PTPRD: variants seen among roughly 807,000 people sequenced by gnomAD.
PTPRD encodes protein tyrosine phosphatase receptor type D.
In PTPRD, 34 loss-of-function variants were observed where a neutral mutation model predicts 214.5. That is an observed-to-expected ratio of 0.16 (90% CI 0.12 to 0.21). The LOEUF is 0.21. Among genes scored for constraint, PTPRD ranks in the 10% least tolerant of loss-of-function variants. The pLI is 1.00. For synonymous variants in PTPRD, 1,128 were observed against 845.7 expected, an observed-to-expected ratio of 1.33 and a Z score of -5.79; for missense variants, 2,545 against 2,398.7, an observed-to-expected ratio of 1.06 and a Z score of -1.27.
At chr9:9,030,397 G>C (rs560570928) in intron 10 of PTPRD, among the ~76,000 whole-genome samples, 2 of 143,146 alleles carry the variant, frequency 1.4e-5, no homozygotes, top group African/African-American at 2.6e-5. Flanking sequence ...ATTGTTTACT[G>C]TAGCATTTAA....
At chr9:9,781,450 C>T (rs922188707) in intron 5 of PTPRD, among the ~76,000 whole-genome samples, 1 of 152,130 alleles carries the variant, frequency 6.6e-6, no homozygotes, top group Non-Finnish European at 1.5e-5. Context: ...ACAACGGTGA[C>T]ATTGGAAGAA....
At chr9:10,222,448 T>C (rs1470856222) in intron 3 of PTPRD, among the ~76,000 whole-genome samples, 2 of 152,128 alleles carry the variant, frequency 1.3e-5, no homozygotes, top group African/African-American at 4.8e-5. Flanking sequence ...TAGCATCCTA[T>C]GTCTTTATTG....
intron 5 of PTPRD, among the ~76,000 whole-genome samples, chr9:9,850,144 A>C (rs1323242713): frequency 6.6e-6 from 1 of 152,164 alleles, no homozygotes; most frequent in East Asian, 1.9e-4. Flanking sequence ...CCAAAAAGTT[A>C]CCACTGAAAG....
chr9:10,363,632 A>G (rs181268608), intron 2 of PTPRD, among the ~76,000 whole-genome samples: 1 of 152,234 alleles, frequency 6.6e-6, no homozygotes, highest in Non-Finnish European at 1.5e-5. Flanking sequence ...AAAAGGCAAG[A>G]TATCTTACAG....
At chr9:10,309,011 C>T (rs2096182168) in intron 3 of PTPRD, among the ~76,000 whole-genome samples, 1 of 151,950 alleles carries the variant, frequency 6.6e-6, no homozygotes, top group Non-Finnish European at 1.5e-5. Context: ...AAGATATATA[C>T]TTTATTTTGA....
chr9:8,548,646 G>A (rs1440328728), intron 14 of PTPRD, among the ~76,000 whole-genome samples: 2 of 148,294 alleles, frequency 1.3e-5, no homozygotes, highest in Non-Finnish European at 1.5e-5. Context: ...GGGATTAGAG[G>A]TGTAAGCCAT....
At position 10,599,373 on chromosome 9, in the gene PTPRD, T is replaced by C. The variant is rs528190160; in HGVS notation, c.-600+13025A>G. Reference sequence around the variant, plus strand: ...TGTTTGGGAAGTCTTATGGTTACAGTAGCTTAGTCTTTAACTTATACAACA... The same window carrying C: ...TGTTTGGGAAGTCTTATGGTTACAGCAGCTTAGTCTTTAACTTATACAACA... On this transcript the variant is annotated intron_variant, in intron 2 of 45. Coordinates refer to ENST00000381196, the MANE Select transcript of PTPRD (RefSeq NM_002839.4). Among the ~76,000 whole-genome samples, 50 of 151,940 alleles carry C rather than the reference T, an allele frequency of 3.3e-4. 1 individual carries two copies. In the South Asian group the frequency reaches 1.0e-2, roughly 30 times the overall value.
intron 9 of PTPRD, among the ~76,000 whole-genome samples, chr9:9,383,376 T>C (rs570967146): frequency 7.9e-5 from 12 of 152,208 alleles, no homozygotes; most frequent in Admixed American, 1.3e-4. Context: ...AAGCATACTA[T>C]GGACATACAA....
chr9:9,328,800 C>A (rs779659872), intron 9 of PTPRD, among the ~76,000 whole-genome samples: 7 of 150,374 alleles, frequency 4.7e-5, no homozygotes, highest in Non-Finnish European at 1.0e-4. Context: ...CCACATCCAG[C>A]TATTTCTTTT....
intron 3 of PTPRD, among the ~76,000 whole-genome samples, chr9:10,065,968 G>A (rs573971587): frequency 6.6e-6 from 1 of 151,844 alleles, no homozygotes; most frequent in South Asian, 2.1e-4. Context: ...ACATCATTTT[G>A]AAGATAGCAC....
chr9:8,369,070 G>C (rs899417604), intron 39 of PTPRD, among the ~76,000 whole-genome samples: 1 of 152,056 alleles, frequency 6.6e-6, no homozygotes, highest in African/African-American at 2.4e-5. Context: ...ATGGGTCTAT[G>C]GTTCACGTTT....
chr9:8,457,392 A>G (rs1258395717), intron 33 of PTPRD, among the ~76,000 whole-genome samples: 3 of 152,122 alleles, frequency 2.0e-5, no homozygotes, highest in Non-Finnish European at 4.4e-5. Context: ...AGATATACCA[A>G]ATATATTTTA....
At chr9:9,712,976 C>G (rs895835820) in intron 7 of PTPRD, among the ~76,000 whole-genome samples, 1 of 152,166 alleles carries the variant, frequency 6.6e-6, no homozygotes, top group Non-Finnish European at 1.5e-5. Flanking sequence ...CTAAATCAGT[C>G]GCTAATCTTG....
At chr9:8,338,877 T>C (rs1358733209) in intron 43 of PTPRD, 45 bp downstream of exon 43, 14 of 1,081,954 alleles carry the variant, frequency 1.3e-5, no homozygotes, top group Non-Finnish European at 1.8e-5. Context: ...TATCTTAGAC[T>C]ACTTTTCAGC....
chr9:10,479,030 T>C (rs1430767479), intron 2 of PTPRD, among the ~76,000 whole-genome samples: 1 of 152,122 alleles, frequency 6.6e-6, no homozygotes, highest in Non-Finnish European at 1.5e-5. Flanking sequence ...TTTCAAACAT[T>C]ACACAATTTT....
At chr9:8,395,184 A>G (rs1433589785) in intron 36 of PTPRD, among the ~76,000 whole-genome samples, 1 of 152,140 alleles carries the variant, frequency 6.6e-6, no homozygotes, top group African/African-American at 2.4e-5. Context: ...CTTTGTTGTA[A>G]GACAGAAGTA....
At chr9:9,006,860 A>G (rs1364683727) in intron 11 of PTPRD, among the ~76,000 whole-genome samples, 2 of 152,064 alleles carry the variant, frequency 1.3e-5, no homozygotes, top group African/African-American at 4.8e-5. Flanking sequence ...CCATTAAAGA[A>G]ATGATTTTAA....
intron 2 of PTPRD, among the ~76,000 whole-genome samples, chr9:10,458,324 T>C (rs1238769968): frequency 6.6e-6 from 1 of 152,032 alleles, no homozygotes; most frequent in Non-Finnish European, 1.5e-5. Flanking sequence ...AAATTCAACA[T>C]CCCATCAAAA....
chr9:8,647,655 T>C (rs1256613312), intron 12 of PTPRD, among the ~76,000 whole-genome samples: 3 of 152,212 alleles, frequency 2.0e-5, no homozygotes, highest in Non-Finnish European at 4.4e-5. Context: ...CATGTAAAAT[T>C]ACTGAATTCA....
Sources: allele counts gnomAD v4.1 joint callset (sites outside exome capture counted in the v4.1 genomes callset), GRCh38; gene constraint gnomAD v4.1.1; transcripts MANE v1.5; gene names NCBI Gene and HGNC (gene_info 2026-07-23, HGNC 2026-07-21).